Variants in NEO1 observed in about 807,000 individuals in gnomAD.
NEO1 encodes neogenin.
Under a neutral mutation model 159.7 loss-of-function variants are expected in NEO1, and 63 were observed. That is an observed-to-expected ratio of 0.39 (90% CI 0.32 to 0.49). NEO1 has a LOEUF of 0.49. Among genes scored for constraint, NEO1 ranks in the 20% least tolerant of loss-of-function variants. The probability of loss-of-function intolerance (pLI) is 0.85; values close to 1 mark genes in which losing one functional copy is unlikely to be tolerated. For synonymous variants in NEO1, 633 were observed against 662.0 expected (o/e 0.96, Z 0.67); for missense variants, 1,615 against 1,831.0 (o/e 0.88, Z 2.15).
At chr15:73,259,452 C>T (rs2150984305) in intron 14 of NEO1, among the ~76,000 whole-genome samples, 1 of 151,172 alleles carries the variant, frequency 6.6e-6, no homozygotes, top group South Asian at 2.1e-4. Flanking sequence ...CTCGACCTCC[C>T]ATGCTTAAGC....
In NEO1 at chr15:73,122,512, C is replaced by G; in HGVS notation, c.449-13C>G. Reference sequence around the variant, plus strand: ...TAAATAAATTTTATTTCTTCTCTTCCTTTATTGTCCAGGTCTTCCAAGATT... The same window carrying G: ...TAAATAAATTTTATTTCTTCTCTTCGTTTATTGTCCAGGTCTTCCAAGATT... On this transcript the variant is annotated splice_polypyrimidine_tract_variant and intron_variant, in intron 2 of 28. Transcript: ENST00000261908. The G allele has an allele frequency of 6.2e-7, 1 of 1,605,398 alleles. No individual in the cohort carries two copies.
chr15:73,065,438 C>A (rs1397298713), intron 1 of NEO1, among the ~76,000 whole-genome samples: 1 of 151,852 alleles, frequency 6.6e-6, no homozygotes, highest in African/African-American at 2.4e-5. Context: ...TTGTATTTCA[C>A]CTTCATTTTT....
intron 5 of NEO1, among the ~76,000 whole-genome samples, chr15:73,165,093 A>ATTTTTT (rs67749428): frequency 1.5e-5 from 2 of 129,100 alleles, no homozygotes; most frequent in African/African-American, 2.9e-5. Context: ...TGCCTGGCCA[A>ATTTTTT]TTTTTTTTTT....
intron 1 of NEO1, among the ~76,000 whole-genome samples, chr15:73,072,044 A>G (rs1431119575): frequency 6.6e-6 from 1 of 152,036 alleles, no homozygotes; most frequent in African/African-American, 2.4e-5. Flanking sequence ...TCCGCCTCCC[A>G]GGTTCAAGCG....
At chr15:73,090,101 G>A (rs576156952) in intron 1 of NEO1, among the ~76,000 whole-genome samples, 2 of 152,196 alleles carry the variant, frequency 1.3e-5, no homozygotes, top group Admixed American at 1.3e-4. Context: ...TAATGAGATA[G>A]AACTATAGGA....
intron 1 of NEO1, among the ~76,000 whole-genome samples, chr15:73,068,467 C>T (rs948159111): frequency 5.3e-5 from 8 of 152,072 alleles, no homozygotes; most frequent in Non-Finnish European, 2.9e-5. Context: ...GTGCCTTGGC[C>T]TCGCAAAGTA....
intron 5 of NEO1, among the ~76,000 whole-genome samples, chr15:73,165,293 A>T (rs1187441551): frequency 3.9e-5 from 6 of 152,080 alleles, no homozygotes; most frequent in Non-Finnish European, 7.4e-5. Flanking sequence ...AGGTAGTTTG[A>T]AGCTTGATAA....
chr15:73,136,853 C>T (rs1447332683), intron 5 of NEO1, among the ~76,000 whole-genome samples: 1 of 152,082 alleles, frequency 6.6e-6, no homozygotes, highest in Non-Finnish European at 1.5e-5. Context: ...TCTTCCCACC[C>T]CCTCAAAACT....
chr15:73,224,517 T>C (rs2038465265), intron 7 of NEO1, among the ~76,000 whole-genome samples: 1 of 152,166 alleles, frequency 6.6e-6, no homozygotes, highest in African/African-American at 2.4e-5. Context: ...CTTATTCTTT[T>C]TTCTTTGTCT....
chr15:73,186,624 C>T (rs1421473684), intron 7 of NEO1, among the ~76,000 whole-genome samples: 1 of 151,620 alleles, frequency 6.6e-6, no homozygotes, highest in Non-Finnish European at 1.5e-5. Context: ...TCCACCTTCA[C>T]AAACTCATGC....
chr15:73,260,410 T>TGAG lies in NEO1; in HGVS notation c.2344_2345insAGG (p.His781_Ala782insGlu). The TGAG allele has an allele frequency of 6.2e-7, 1 of 1,614,030 alleles. No individual in the cohort carries two copies. The highest frequency in any genetic ancestry group is 1.3e-5 in the African/African-American group (1 of 75,052). Reference sequence around the variant, plus strand: ...TTGGTTATGGCATTGGCAGCCCTCATGCCCAGACCATCAAAGTGGACTATA... The same window carrying TGAG: ...TTGGTTATGGCATTGGCAGCCCTCATGAGGCCCAGACCATCAAAGTGGACTATA... On this transcript the variant is annotated inframe_insertion, in exon 15 of 29. Coordinates refer to ENST00000261908, the MANE Select transcript of NEO1 (RefSeq NM_002499.4).
chr15:73,282,215 A>C (rs902806697), intron 22 of NEO1, among the ~76,000 whole-genome samples: 1 of 152,206 alleles, frequency 6.6e-6, no homozygotes, highest in Non-Finnish European at 1.5e-5. Context: ...TAAATTGGCT[A>C]CCCAGACACT....
In NEO1 at chr15:73,077,389, T is replaced by A. The variant is rs1263729126; in HGVS notation, c.130+24584T>A. On this transcript the variant is annotated intron_variant, in intron 1 of 28. Transcript: ENST00000261908. ...TGACTGCATATTTTTAAACACAAAT[T>A]AAACTAGTTATGTTCTCCACCCTAC... 2.0e-5 allele frequency among the ~76,000 whole-genome samples: 3 copies of A among 152,198 alleles called. No individual in the cohort carries two copies. In the East Asian group the frequency reaches 5.8e-4, roughly 29 times the overall value.
chr15:73,239,979 AG>A (rs1329834913), intron 8 of NEO1, among the ~76,000 whole-genome samples: 5 of 152,286 alleles, frequency 3.3e-5, no homozygotes, highest in African/African-American at 1.2e-4. Context: ...AGTAAGTACC[AG>A]TAGAGGTACT....
At chr15:73,091,258 C>G (rs994500699) in intron 1 of NEO1, among the ~76,000 whole-genome samples, 1 of 152,116 alleles carries the variant, frequency 6.6e-6, no homozygotes, top group African/African-American at 2.4e-5. Flanking sequence ...GTGCAGGAAC[C>G]TATTTGAGGT....
intron 5 of NEO1, among the ~76,000 whole-genome samples, chr15:73,160,956 T>C (rs1011075934): frequency 6.6e-6 from 1 of 152,160 alleles, no homozygotes; most frequent in Non-Finnish European, 1.5e-5. Flanking sequence ...TTGATTCCAC[T>C]GTTAGGTAGC....
At chr15:73,076,877 G>A (rs903757992) in intron 1 of NEO1, among the ~76,000 whole-genome samples, 1 of 152,112 alleles carries the variant, frequency 6.6e-6, no homozygotes, top group Non-Finnish European at 1.5e-5. Context: ...TAAGACAACT[G>A]TGTTTTCTTA....
rs148303860 is a variant in NEO1, at chr15:73,074,757, C to A, written c.130+21952C>A. On this transcript the variant is annotated intron_variant, in intron 1 of 28. Transcript: ENST00000261908. ...GACTCTCCCCTTTCTGTCAGTCTTA[C>A]CCCAGGAGTCCCTGGCCTCCTTCCT... Among the ~76,000 whole-genome samples the A allele has an allele frequency of 3.3e-5, 5 of 152,246 alleles. No individual in the cohort carries two copies. In the East Asian group the frequency reaches 9.7e-4, roughly 29 times the overall value.
At chr15:73,248,173 T>A (rs927178297) in intron 9 of NEO1, among the ~76,000 whole-genome samples, 11 of 152,226 alleles carry the variant, frequency 7.2e-5, no homozygotes, top group African/African-American at 2.4e-4. Context: ...CTGTAACCAT[T>A]CAATAAATGG....
Sources: gnomAD v4.1 joint callset for allele counts (sites outside exome capture counted in the v4.1 genomes callset) on GRCh38, gnomAD v4.1.1 for gene constraint, MANE v1.5 for transcripts, NCBI Gene and HGNC (gene_info 2026-07-23, HGNC 2026-07-21) for gene names.